Variants in FAT3 observed in about 807,000 individuals in gnomAD.
The protein encoded by FAT3 is FAT atypical cadherin 3.
A neutral mutation model predicts 310.2 loss-of-function variants in FAT3; 95 were observed. The observed-to-expected ratio is 0.31, with a 90% CI of 0.26 to 0.36. The LOEUF (loss-of-function observed/expected upper bound fraction) is 0.36, where lower values mean the gene tolerates loss of function less well. Ranked by LOEUF, FAT3 falls within the 10% of genes least tolerant of loss-of-function variation. FAT3 has a pLI of 1.00. For missense variants in FAT3, 5,408 were observed against 5,715.6 expected, an observed-to-expected ratio of 0.95 and a Z score of 1.74; for synonymous variants, 2,314 against 2,192.9, an observed-to-expected ratio of 1.06 and a Z score of -1.54.
intron 3 of FAT3, among the ~76,000 whole-genome samples, chr11:92,689,592 G>T (rs1313658181): frequency 2.6e-5 from 4 of 152,180 alleles, no homozygotes; most frequent in Admixed American, 6.5e-5. Context: ...AGAACCGGAG[G>T]GCTCTGTGCA....
intron 3 of FAT3, among the ~76,000 whole-genome samples, chr11:92,568,248 A>G (rs1369194627): frequency 1.3e-5 from 2 of 152,270 alleles, no homozygotes; most frequent in African/African-American, 4.8e-5. Context: ...AAATACGTTT[A>G]AGTTCCCCCA....
chr11:92,616,619 T>C (rs1032353270), intron 3 of FAT3, among the ~76,000 whole-genome samples: 8 of 152,228 alleles, frequency 5.3e-5, no homozygotes, highest in Admixed American at 5.2e-4. Context: ...TGGTACCGGT[T>C]GTTCCTTTCC....
At position 92,224,886 on chromosome 11, in the gene FAT3, GAA is replaced by G. The variant is rs762196889; in HGVS notation, c.-305_-304del. On this transcript the variant is annotated 5_prime_UTR_variant, in exon 1 of 28. Transcript: ENST00000525166. ...CGCTCCTCCCCGCAGGCTGCGCTGT[GAA>G]CTGGCCTGCGGATTGGGATCTCGCG... Among the ~76,000 whole-genome samples, 194 of 152,232 alleles carry G rather than the reference GAA, an allele frequency of 1.3e-3. No individual in the cohort carries two copies. Among genetic ancestry groups the G allele is most frequent in the Non-Finnish European group, 2.4e-3 (162 of 67,996 alleles).
intron 3 of FAT3, among the ~76,000 whole-genome samples, chr11:92,587,587 C>G (rs1418635114): frequency 6.6e-6 from 1 of 151,878 alleles, no homozygotes; most frequent in Non-Finnish European, 1.5e-5. Context: ...TTTAGCATAA[C>G]AAAATAAAAC....
chr11:92,271,248 C>G (rs1946115466), intron 1 of FAT3, among the ~76,000 whole-genome samples: 1 of 152,140 alleles, frequency 6.6e-6, no homozygotes, highest in Admixed American at 6.6e-5. Context: ...GCCTGCAACT[C>G]TGGTTTCATC....
At chr11:92,455,823 A>G (rs764444692) in intron 2 of FAT3, among the ~76,000 whole-genome samples, 1 of 152,224 alleles carries the variant, frequency 6.6e-6, no homozygotes, top group Non-Finnish European at 1.5e-5. Context: ...ATAAACACAC[A>G]ATAAATGTTC....
chr11:92,462,205 G>A (rs1415998490), intron 2 of FAT3, among the ~76,000 whole-genome samples: 1 of 151,904 alleles, frequency 6.6e-6, no homozygotes, highest in Non-Finnish European at 1.5e-5. Context: ...GAGTACATGT[G>A]CAAGTTTGTC....
At chr11:92,804,008 A>C (rs1947436154) in intron 10 of FAT3, among the ~76,000 whole-genome samples, 1 of 152,228 alleles carries the variant, frequency 6.6e-6, no homozygotes, top group Admixed American at 6.5e-5. Context: ...TCTCTTCAGT[A>C]GGACCCCGAT....
intron 22 of FAT3, 67 bp downstream of exon 22, chr11:92,867,276 G>A: frequency 1.4e-6 from 2 of 1,403,978 alleles, no homozygotes; most frequent in East Asian, 2.5e-5. Flanking sequence ...ACTGCAGGGG[G>A]ATCCCTGCCC....
intron 3 of FAT3, among the ~76,000 whole-genome samples, chr11:92,597,792 A>G (rs1939788159): frequency 6.6e-6 from 1 of 152,210 alleles, no homozygotes; most frequent in Non-Finnish European, 1.5e-5. Flanking sequence ...CCTTTGGGAA[A>G]ATTTTGAAAT....
At chr11:92,467,216 A>G (rs576477605) in intron 2 of FAT3, among the ~76,000 whole-genome samples, 10 of 152,108 alleles carry the variant, frequency 6.6e-5, no homozygotes, top group Admixed American at 2.0e-4. Context: ...AAGTGTTCCT[A>G]TTTCTCCACA....
chr11:92,470,110 C>A (rs1951869095), intron 2 of FAT3, among the ~76,000 whole-genome samples: 1 of 152,208 alleles, frequency 6.6e-6, no homozygotes, highest in African/African-American at 2.4e-5. Flanking sequence ...TATCTCCATT[C>A]TCATGAGAAA....
At chr11:92,233,878 T>C (rs1745340089) in intron 1 of FAT3, among the ~76,000 whole-genome samples, 1 of 152,212 alleles carries the variant, frequency 6.6e-6, no homozygotes, top group Non-Finnish European at 1.5e-5. Flanking sequence ...ATTCCTAAGT[T>C]GTATTCAGCA....
chr11:92,310,977 G>A (rs1478703105), intron 1 of FAT3, among the ~76,000 whole-genome samples: 2 of 150,736 alleles, frequency 1.3e-5, no homozygotes, highest in African/African-American at 4.9e-5. Flanking sequence ...CTTTTTTTGA[G>A]ATGGAATCTC....
At chr11:92,558,273 A>C (rs1310539499) in intron 3 of FAT3, among the ~76,000 whole-genome samples, 1 of 151,470 alleles carries the variant, frequency 6.6e-6, no homozygotes, top group Non-Finnish European at 1.5e-5. Flanking sequence ...TTATTTAGGT[A>C]AGAGGGAATT....
At chr11:92,706,108 G>A (rs553203029) in intron 4 of FAT3, among the ~76,000 whole-genome samples, 1 of 151,976 alleles carries the variant, frequency 6.6e-6, no homozygotes, top group East Asian at 1.9e-4. Context: ...GGTGGTGGTG[G>A]TAGTAATGGT....
rs189523880 is a variant in FAT3, at chr11:92,762,053, A to C, written c.3867A>C (p.Ala1289=). ...FAFDRDEGPN[A]EISYSIVDGN... ...TTGATAGAGATGAGGGCCCCAACGCAGAAATCTCCTACAGTATTGTGGATG... is the reference window on the plus strand; with the variant it reads ...TTGATAGAGATGAGGGCCCCAACGCCGAAATCTCCTACAGTATTGTGGATG... Residue 1289 remains alanine (A), a synonymous_variant, in exon 5 of 28, where the codon GCA becomes GCC. Transcript: ENST00000525166. 9.0e-5 allele frequency: 145 copies of C among 1,614,012 alleles called. 1 individual carries two copies. The African/African-American group carries it at 1.3e-3, about 15-fold the overall frequency.
chr11:92,833,254 T>A (rs1948314076), intron 14 of FAT3, among the ~76,000 whole-genome samples: 1 of 152,158 alleles, frequency 6.6e-6, no homozygotes, highest in Non-Finnish European at 1.5e-5. Context: ...GTCAAGGAAG[T>A]TCCCATTTTG....
intron 21 of FAT3, among the ~76,000 whole-genome samples, chr11:92,864,687 C>T (rs1044644291): frequency 6.6e-6 from 1 of 152,002 alleles, no homozygotes; most frequent in African/African-American, 2.4e-5. Context: ...CATGGTGGCG[C>T]TTGCCTGTAA....
Sources: gnomAD v4.1 joint callset for allele counts (sites outside exome capture counted in the v4.1 genomes callset) on GRCh38, gnomAD v4.1.1 for gene constraint, MANE v1.5 for transcripts, NCBI Gene and HGNC (gene_info 2026-07-23, HGNC 2026-07-21) for gene names.